PHF21A: variants seen among roughly 807,000 people sequenced by gnomAD.
PHF21A encodes BHC80a.
A neutral mutation model predicts 82.5 loss-of-function variants in PHF21A; 11 were observed. The observed-to-expected ratio is 0.13, with a 90% confidence interval of 0.08 to 0.22. PHF21A has a LOEUF of 0.22. Ranked by LOEUF, PHF21A falls within the 10% of genes least tolerant of loss-of-function variation. PHF21A has a pLI of 1.00. For missense variants in PHF21A, 579 were observed against 837.8 expected, an observed-to-expected ratio of 0.69 and a Z score of 3.81; for synonymous variants, 297 against 302.8, an observed-to-expected ratio of 0.98 and a Z score of 0.20.
chr11:46,020,205 AT>A (rs2095601850), intron 6 of PHF21A, among the ~76,000 whole-genome samples: 3 of 152,250 alleles, frequency 2.0e-5, no homozygotes, highest in South Asian at 4.1e-4. Flanking sequence ...CAGTGGTGTC[AT>A]TTCCTAATGC....
intron 7 of PHF21A, 81 bp downstream of exon 7, chr11:45,979,679 T>G: frequency 6.2e-7 from 1 of 1,601,262 alleles, no homozygotes; most frequent in Non-Finnish European, 8.5e-7. Flanking sequence ...TAGTATAGTG[T>G]GAGACAGGAC....
intron 18 of PHF21A, chr11:45,935,314 C>G: frequency 8.2e-7 from 1 of 1,214,548 alleles, no homozygotes; most frequent in Admixed American, 2.2e-5. Context: ...CTACACTCCC[C>G]CCACACACTG....
chr11:46,091,819 C>A (rs189520466), intron 2 of PHF21A, among the ~76,000 whole-genome samples: 1 of 111,676 alleles, frequency 9.0e-6, no homozygotes, highest in Non-Finnish European at 1.8e-5. Flanking sequence ...TCCTAAGTAA[C>A]TGGAGCTATA....
rs777865316 is a variant in PHF21A at position 45,965,522 on chromosome 11, C to T, written c.789G>A (p.Arg263=). The T allele has an allele frequency of 6.2e-7, 1 of 1,609,534 alleles. No individual in the cohort carries two copies. Among genetic ancestry groups the T allele is most frequent in the South Asian group, 1.1e-5 (1 of 90,120 alleles). Residue 263 remains arginine, a synonymous_variant, in exon 10 of 19, where the codon AGG becomes AGA. Coordinates refer to ENST00000676320, the MANE Select transcript of PHF21A (RefSeq NM_001352027.3). The part of the protein sequence containing the change: ...PMLAAPQLIQ[R]PVMLTKFTPT... ...GGGTGAACTTGGTCAGCATGACGGG[C>T]CTCTGGATAAGCTGAGGAGCTGCGA...
chr11:46,049,730 A>T (rs944183491), intron 6 of PHF21A, among the ~76,000 whole-genome samples: 19 of 152,194 alleles, frequency 1.2e-4, no homozygotes, highest in East Asian at 3.8e-4. Flanking sequence ...TCCATATTGT[A>T]AACTATACTG....
chr11:45,958,719 C>T (rs1234754669), intron 10 of PHF21A, among the ~76,000 whole-genome samples: 1 of 151,892 alleles, frequency 6.6e-6, no homozygotes, highest in Non-Finnish European at 1.5e-5. Flanking sequence ...AGTTCGAGAC[C>T]AGCCTGGGCA....
chr11:46,066,468 A>G (rs1244767618), intron 6 of PHF21A, among the ~76,000 whole-genome samples: 10 of 152,220 alleles, frequency 6.6e-5, no homozygotes, highest in African/African-American at 2.4e-4. Flanking sequence ...TGGAAGGCTG[A>G]GTCAGAAGGA....
chr11:46,096,972 T>A (rs2097006778), intron 1 of PHF21A, among the ~76,000 whole-genome samples: 1 of 152,132 alleles, frequency 6.6e-6, no homozygotes, highest in African/African-American at 2.4e-5. Context: ...GAAAAAATCC[T>A]AAAAGTCATC....
chr11:45,950,174 A>C, intron 12 of PHF21A, 32 bp downstream of exon 12: 2 of 1,545,334 alleles, frequency 1.3e-6, no homozygotes, highest in Non-Finnish European at 1.8e-6. Flanking sequence ...TGGGCCAGAA[A>C]AAAAGGCAGT....
intron 6 of PHF21A, among the ~76,000 whole-genome samples, chr11:46,041,905 A>G (rs1390878910): frequency 6.6e-6 from 1 of 152,142 alleles, no homozygotes; most frequent in Non-Finnish European, 1.5e-5. Context: ...TGTGTCTTAT[A>G]GTAAAGACAG....
intron 8 of PHF21A, chr11:45,970,309 A>C (rs1180014088): frequency 1.1e-5 from 2 of 189,162 alleles, no homozygotes; most frequent in Admixed American, 1.2e-4. Flanking sequence ...TCCTATAGAA[A>C]ATTTTCTAAC....
chr11:46,098,834 G>T lies in PHF21A; in HGVS notation c.-236-6611C>A, dbSNP rs140795845. Among the ~76,000 whole-genome samples, 62 of 152,326 alleles carry T rather than the reference G, an allele frequency of 4.1e-4. 3 individuals are homozygous for T. Among genetic ancestry groups the T allele is most frequent in the African/African-American group, 1.4e-3 (60 of 41,572 alleles). ...ATTAACACTAATGGGAGTTCTGGGT[G>T]TAAACCATAAGCACCAAGGAGGAGG... On this transcript the variant is annotated intron_variant, in intron 1 of 18. Coordinates refer to ENST00000676320, the MANE Select transcript of PHF21A (RefSeq NM_001352027.3).
chr11:46,095,090 A>T (rs2096976983), intron 1 of PHF21A, among the ~76,000 whole-genome samples: 2 of 152,138 alleles, frequency 1.3e-5, no homozygotes, highest in Non-Finnish European at 2.9e-5. Flanking sequence ...AGAGGAAATT[A>T]TTTTTAGACT....
intron 6 of PHF21A, among the ~76,000 whole-genome samples, chr11:46,017,944 T>A (rs2095549449): frequency 6.6e-6 from 1 of 152,188 alleles, no homozygotes; most frequent in African/African-American, 2.4e-5. Flanking sequence ...TCTAACTAGC[T>A]GTAGGGGTTA....
At chr11:45,995,257 T>G (rs535226620) in intron 6 of PHF21A, among the ~76,000 whole-genome samples, 1 of 152,194 alleles carries the variant, frequency 6.6e-6, no homozygotes, top group East Asian at 1.9e-4. Flanking sequence ...CCACTAATCA[T>G]AGGGGAGAAA....
intron 6 of PHF21A, among the ~76,000 whole-genome samples, chr11:46,015,469 T>A (rs1286303957): frequency 6.6e-6 from 1 of 152,132 alleles, no homozygotes; most frequent in Non-Finnish European, 1.5e-5. Context: ...ATTCTTATAG[T>A]TTGAGATTTT....
chr11:46,069,895 A>G (rs2096636552), intron 6 of PHF21A, among the ~76,000 whole-genome samples: 1 of 152,350 alleles, frequency 6.6e-6, no homozygotes, highest in East Asian at 1.9e-4. Context: ...ACTACAGCCA[A>G]CAATTTCCTT....
intron 1 of PHF21A, among the ~76,000 whole-genome samples, chr11:46,096,609 T>C (rs1250096483): frequency 6.6e-6 from 1 of 152,178 alleles, no homozygotes; most frequent in African/African-American, 2.4e-5. Context: ...TGATTTTCTT[T>C]CCCAACTCTC....
intron 6 of PHF21A, among the ~76,000 whole-genome samples, chr11:46,050,422 A>T (rs1251938728): frequency 1.3e-5 from 2 of 152,226 alleles, no homozygotes; most frequent in Admixed American, 6.5e-5. Context: ...GGAGAGCAGG[A>T]GAGCTGGCTT....
Sources: gnomAD v4.1 joint callset for allele counts (sites outside exome capture counted in the v4.1 genomes callset) on GRCh38, gnomAD v4.1.1 for gene constraint, MANE v1.5 for transcripts, NCBI Gene and HGNC (gene_info 2026-07-23, HGNC 2026-07-21) for gene names.